The following CNBD1 variants were observed in gnomAD, a reference collection of about 807,000 sequenced individuals.
CNBD1 encodes cyclic nucleotide binding domain containing 1.
Under a neutral mutation model 54.4 loss-of-function variants are expected in CNBD1, and 71 were observed. The observed-to-expected ratio is 1.30, with a 90% confidence interval of 1.08 to 1.59. The LOEUF (loss-of-function observed/expected upper bound fraction) is 1.59. Among genes scored for constraint, CNBD1 ranks in the 40% most tolerant of loss-of-function variants. The probability of loss-of-function intolerance (pLI) is 0.00; values close to 1 mark genes in which losing one functional copy is unlikely to be tolerated. For missense variants in CNBD1, 659 were observed against 518.0 expected (o/e 1.27, Z -2.64); for synonymous variants, 182 against 170.7 (o/e 1.07, Z -0.51).
intron 4 of CNBD1, among the ~76,000 whole-genome samples, chr8:86,960,383 C>G (rs899521109): frequency 1.3e-4 from 20 of 152,180 alleles, no homozygotes; most frequent in African/African-American, 4.8e-4. Flanking sequence ...GCCTCACTCA[C>G]TGCTAGCACA....
chr8:86,930,282 T>G (rs1563825925), intron 3 of CNBD1, among the ~76,000 whole-genome samples: 1 of 152,158 alleles, frequency 6.6e-6, no homozygotes, highest in Non-Finnish European at 1.5e-5. Context: ...ATATTTGACT[T>G]GTTGTAGGCA....
chr8:87,304,407 G>A (rs1486707458), intron 8 of CNBD1, among the ~76,000 whole-genome samples: 2 of 151,960 alleles, frequency 1.3e-5, no homozygotes, highest in Admixed American at 6.6e-5. Context: ...AACACTGCAT[G>A]TTCTCACTCA....
chr8:87,395,965 T>A (rs1214365908), intron 2 of CNBD1, among the ~76,000 whole-genome samples: 1 of 151,938 alleles, frequency 6.6e-6, no homozygotes, highest in Non-Finnish European at 1.5e-5. Context: ...TACTTCCCCT[T>A]CTGCCATAAT....
Position 87,292,408 on chromosome 8 carries a change from C to G in CNBD1, c.1042+5737C>G, listed in dbSNP as rs1808804904. Among the ~76,000 whole-genome samples, 4 of 152,282 alleles carry G rather than the reference C, an allele frequency of 2.6e-5. No individual in the cohort carries two copies. In the South Asian group the frequency reaches 8.3e-4, roughly 32 times the overall value. On this transcript the variant is annotated intron_variant, in intron 8 of 10. Coordinates refer to ENST00000518476, the MANE Select transcript of CNBD1 (RefSeq NM_173538.3). ...AGAGTAAAAGATTTGTAGAATCTATCAACTAATTTTTATTTTTGGTCATCA... is the reference window on the plus strand; with the variant it reads ...AGAGTAAAAGATTTGTAGAATCTATGAACTAATTTTTATTTTTGGTCATCA...
chr8:86,987,405 G>T (rs1384464383), intron 4 of CNBD1, among the ~76,000 whole-genome samples: 1 of 152,086 alleles, frequency 6.6e-6, no homozygotes, highest in East Asian at 1.9e-4. Flanking sequence ...GGGGCCTTTT[G>T]GCAGTCTTTA....
chr8:86,873,417 T>A (rs1002030782), intron 1 of CNBD1, among the ~76,000 whole-genome samples: 25 of 151,986 alleles, frequency 1.6e-4, no homozygotes, highest in Non-Finnish European at 2.4e-4. Flanking sequence ...CTGTTTTTTT[T>A]AAAAAAGGAT....
intron 4 of CNBD1, among the ~76,000 whole-genome samples, chr8:87,162,383 C>T (rs932463307): frequency 6.6e-6 from 1 of 151,994 alleles, no homozygotes; most frequent in Non-Finnish European, 1.5e-5. Context: ...TCTTGCTGCT[C>T]TCACCATTTT....
intron 9 of CNBD1, among the ~76,000 whole-genome samples, chr8:87,352,609 A>C (rs1191218733): frequency 2.0e-5 from 3 of 152,210 alleles, no homozygotes; most frequent in Non-Finnish European, 2.9e-5. Context: ...CATAGCAGTA[A>C]AAATAATTAT....
intron 6 of CNBD1, among the ~76,000 whole-genome samples, chr8:87,281,849 G>A (rs1808607992): frequency 6.6e-6 from 1 of 150,960 alleles, no homozygotes; most frequent in South Asian, 2.1e-4. Flanking sequence ...TCAATCTGGT[G>A]GATAAAAACC....
At chr8:86,879,979 T>A (rs890986869) in intron 1 of CNBD1, among the ~76,000 whole-genome samples, 4 of 152,118 alleles carry the variant, frequency 2.6e-5, no homozygotes, top group Admixed American at 2.0e-4. Context: ...AAGAATGTAT[T>A]ACATACAAAG....
chr8:87,005,239 G>A (rs1188707483), intron 4 of CNBD1, among the ~76,000 whole-genome samples: 5 of 151,750 alleles, frequency 3.3e-5, no homozygotes, highest in African/African-American at 4.8e-5. Flanking sequence ...GCACGGTGGC[G>A]GGCGCCTGTA....
intron 2 of CNBD1, among the ~76,000 whole-genome samples, chr8:86,904,377 A>G (rs544846430): frequency 7.9e-5 from 12 of 152,202 alleles, no homozygotes; most frequent in African/African-American, 2.4e-4. Flanking sequence ...TGGATTTTCC[A>G]GAAACAAATA....
chr8:87,216,688 T>C (rs1814218896), intron 5 of CNBD1, among the ~76,000 whole-genome samples: 1 of 152,188 alleles, frequency 6.6e-6, no homozygotes, highest in African/African-American at 2.4e-5. Flanking sequence ...TCTACACCAG[T>C]GAAGGGTAGA....
intron 6 of CNBD1, among the ~76,000 whole-genome samples, chr8:87,267,407 AATAAACATT>A (rs1182047317): frequency 6.6e-6 from 1 of 152,200 alleles, no homozygotes; most frequent in Non-Finnish European, 1.5e-5. Flanking sequence ...ATTGTGAAGA[AATAAACATT>A]GGAGGTGTTC....
intron 10 of CNBD1, among the ~76,000 whole-genome samples, chr8:87,372,024 A>G (rs959939052): frequency 1.3e-4 from 19 of 151,978 alleles, no homozygotes; most frequent in Admixed American, 2.6e-4. Flanking sequence ...AGGGTATTCA[A>G]TTAGGAAAAG....
intron 8 of CNBD1, among the ~76,000 whole-genome samples, chr8:87,336,450 C>G (rs1181823688): frequency 6.6e-6 from 1 of 151,948 alleles, no homozygotes; most frequent in East Asian, 1.9e-4. Context: ...GCCAGATGGT[C>G]TTCCGTCTGA....
intron 2 of CNBD1, among the ~76,000 whole-genome samples, chr8:87,390,533 A>T (rs1017205607): frequency 1.3e-5 from 2 of 152,214 alleles, no homozygotes; most frequent in African/African-American, 4.8e-5. Flanking sequence ...AATCAAAACC[A>T]TAGTGCGATA....
chr8:87,071,385 T>A (rs946011039), intron 4 of CNBD1, among the ~76,000 whole-genome samples: 2 of 152,112 alleles, frequency 1.3e-5, no homozygotes, highest in Non-Finnish European at 2.9e-5. Context: ...ACAAAACTCT[T>A]GAAAAGGCTC....
intron 4 of CNBD1, among the ~76,000 whole-genome samples, chr8:87,141,665 T>C (rs1812372821): frequency 1.3e-5 from 2 of 152,054 alleles, no homozygotes; most frequent in African/African-American, 4.8e-5. Context: ...GGTGAAGATA[T>C]AAAAGATTTG....
Sources: gnomAD v4.1 joint callset for allele counts (sites outside exome capture counted in the v4.1 genomes callset) on GRCh38, gnomAD v4.1.1 for gene constraint, MANE v1.5 for transcripts, NCBI Gene and HGNC (gene_info 2026-07-23, HGNC 2026-07-21) for gene names.